ANK1: variants seen among roughly 807,000 people sequenced by gnomAD.
ANK1 encodes the protein ankyrin 1, also known as ankyrin-1.
Under a neutral mutation model 210.4 loss-of-function variants are expected in ANK1, and 51 were observed. The ratio of observed to expected loss-of-function variants is 0.24; its 90% CI spans 0.19 to 0.31. The LOEUF (loss-of-function observed/expected upper bound fraction) is 0.31. ANK1 is among the 10% of genes least tolerant of loss of function. The pLI, the probability that ANK1 is intolerant of heterozygous loss-of-function variation, is 1.00. For synonymous variants in ANK1, 967 were observed against 1,025.9 expected, an observed-to-expected ratio of 0.94 and a Z score of 1.10; for missense variants, 2,051 against 2,504.4, an observed-to-expected ratio of 0.82 and a Z score of 3.86.
At chr8:41,861,026 A>T (rs1240251753) in intron 1 of ANK1, among the ~76,000 whole-genome samples, 1 of 152,224 alleles carries the variant, frequency 6.6e-6, no homozygotes, top group East Asian at 1.9e-4. Flanking sequence ...TCAAAATGCT[A>T]GCAAGGTGCC....
At chr8:41,745,428 G>C (rs1835864832) in intron 2 of ANK1, among the ~76,000 whole-genome samples, 1 of 152,338 alleles carries the variant, frequency 6.6e-6, no homozygotes, top group East Asian at 1.9e-4. Context: ...AGGAAGTGTA[G>C]AAGAACGGGC....
Position 41,697,930 on chromosome 8 carries a change from G to C in ANK1, c.2637+113C>G, listed in dbSNP as rs111858042. ...TGGAATGCCAGTTGGACAGTGAGTG[G>C]CATGTGAGCTATTAGTGCCTATTGT... On this transcript the variant is annotated intron_variant, in intron 24 of 42. Transcript: ENST00000289734. 3.2e-5 allele frequency: 30 copies of C among 951,702 alleles called. No homozygotes were observed. In the African/African-American group the frequency reaches 3.9e-4, roughly 12 times the overall value. 59.0% of individuals were successfully genotyped at this position (951,702 alleles called of 1,614,324 possible). A position where few individuals can be genotyped will look rare whatever the true frequency, so the allele number is the denominator to read the frequency against.
chr8:41,794,854 G>A (rs535032848), intron 1 of ANK1, among the ~76,000 whole-genome samples: 15 of 152,176 alleles, frequency 9.9e-5, no homozygotes, highest in African/African-American at 2.2e-4. Context: ...ACAGGCACAC[G>A]CCACCACGCC....
rs80118742 is a variant in ANK1 at position 41,728,061 on chromosome 8, G to A, written c.229-55C>T. The stretch of plus-strand genomic sequence containing the variant: ...CGGTTTCCCACTGGGCCCGCTACGG[G>A]ACCAGCAAAGGTCTGTGGACAGGTG... On this transcript the variant is annotated intron_variant, in intron 3 of 42. Coordinates refer to ENST00000289734, the MANE Select transcript of ANK1 (RefSeq NM_000037.4). 0.053 allele frequency: 83,662 copies of A among 1,567,302 alleles called. 2,606 individuals are homozygous for A. The highest frequency in any genetic ancestry group is 0.061 in the Admixed American group (3,642 of 59,878).
intron 42 of ANK1, among the ~76,000 whole-genome samples, chr8:41,656,351 C>T (rs1805715554): frequency 6.6e-6 from 1 of 152,206 alleles, no homozygotes; most frequent in African/African-American, 2.4e-5. Flanking sequence ...AGCTCTGGCC[C>T]ACAGCACTTC....
At chr8:41,691,619 C>T (rs112424218) in intron 31 of ANK1, among the ~76,000 whole-genome samples, 12 of 152,170 alleles carry the variant, frequency 7.9e-5, no homozygotes, top group African/African-American at 2.7e-4. Flanking sequence ...CATTATCTGT[C>T]GAGCCCTTTC....
chr8:41,860,177 G>T (rs753272392), intron 1 of ANK1, among the ~76,000 whole-genome samples: 1 of 152,152 alleles, frequency 6.6e-6, no homozygotes, highest in African/African-American at 2.4e-5. Context: ...TAAAAATTCC[G>T]CTAAGTCTCC....
intron 1 of ANK1, among the ~76,000 whole-genome samples, chr8:41,834,627 G>A (rs1057046661): frequency 4.6e-5 from 7 of 152,212 alleles, no homozygotes; most frequent in East Asian, 1.9e-4. Context: ...CTCAGGGTCC[G>A]GAGCTGGCCT....
chr8:41,752,751 C>A (rs1338743911), intron 2 of ANK1, among the ~76,000 whole-genome samples: 1 of 151,666 alleles, frequency 6.6e-6, no homozygotes, highest in Admixed American at 6.6e-5. Context: ...CCATGACCCT[C>A]ATCCAAGATG....
At chr8:41,658,675 T>C (rs1328350564) in intron 42 of ANK1, among the ~76,000 whole-genome samples, 1 of 152,192 alleles carries the variant, frequency 6.6e-6, no homozygotes, top group Non-Finnish European at 1.5e-5. Flanking sequence ...GGCGGGTTGC[T>C]TGAGGTGAGG....
chr8:41,718,111 T>A lies in ANK1; in HGVS notation c.1201A>T (p.Thr401Ser), dbSNP rs1828212964. 1 of 1,613,880 alleles carries A rather than the reference T, an allele frequency of 6.2e-7. No homozygotes were observed. The highest frequency in any genetic ancestry group is 1.3e-5 in the African/African-American group (1 of 75,046). The change falls in exon 11 of 43, where the codon ACC becomes TCC. Residue 401 changes from threonine to serine, a missense_variant. Thr to Ser is a moderately conservative substitution (Grantham distance 58, BLOSUM62 1). Transcript: ENST00000289734. ...LKTGASIDAV[T>S]ESGLTPLHVA... is the part of the protein sequence containing the mutation. ...TCCTCTGCAGTCTCTCCTACCTCGGTGACCGCGTCGATCGAGGCTCCCGTC... is the reference window on the plus strand; with the variant it reads ...TCCTCTGCAGTCTCTCCTACCTCGGAGACCGCGTCGATCGAGGCTCCCGTC...
intron 1 of ANK1, among the ~76,000 whole-genome samples, chr8:41,873,849 G>T (rs1056718412): frequency 4.6e-5 from 7 of 152,200 alleles, no homozygotes; most frequent in Non-Finnish European, 4.4e-5. Context: ...TCACCAGCAT[G>T]ACTGCCTTAT....
intron 18 of ANK1, 125 bp downstream of exon 18, chr8:41,706,018 C>T (rs1824472613): frequency 5.3e-6 from 5 of 937,594 alleles, no homozygotes; most frequent in Admixed American, 3.5e-5. Context: ...CCACTGCCAG[C>T]CCTAGGAAGT....
intron 37 of ANK1, among the ~76,000 whole-genome samples, chr8:41,676,643 C>G (rs1371052192): frequency 6.6e-6 from 1 of 152,142 alleles, no homozygotes; most frequent in Non-Finnish European, 1.5e-5. Flanking sequence ...TCTGAGAAAT[C>G]TTTGCCTTAA....
intron 3 of ANK1, among the ~76,000 whole-genome samples, chr8:41,733,611 C>G (rs958568511): frequency 1.3e-5 from 2 of 152,228 alleles, no homozygotes; most frequent in African/African-American, 4.8e-5. Context: ...AGTAACTCGT[C>G]CCAGGTCACA....
At chr8:41,811,846 A>G (rs535802617) in intron 1 of ANK1, among the ~76,000 whole-genome samples, 1 of 152,316 alleles carries the variant, frequency 6.6e-6, no homozygotes, top group East Asian at 1.9e-4. Context: ...CTCTGACTAT[A>G]CTTTTAGTTT....
At chr8:41,894,677 T>A (rs1430153578) in intron 1 of ANK1, among the ~76,000 whole-genome samples, 1 of 152,116 alleles carries the variant, frequency 6.6e-6, no homozygotes, top group Non-Finnish European at 1.5e-5. Context: ...GAGGAGCGCC[T>A]TGGCTTCCAA....
At chr8:41,664,981 G>A in intron 39 of ANK1, 1 of 1,614,164 alleles carries the variant, frequency 6.2e-7, no homozygotes, top group Non-Finnish European at 8.5e-7. Context: ...AAGAAGCTCA[G>A]CAGCACCAGC....
At chr8:41,664,683 C>T in intron 39 of ANK1, 1 of 1,014,088 alleles carries the variant, frequency 9.9e-7, no homozygotes. Flanking sequence ...TGGGGGCCTC[C>T]TGGTCCTTTT....
Sources: allele counts gnomAD v4.1 joint callset (sites outside exome capture counted in the v4.1 genomes callset), GRCh38; gene constraint gnomAD v4.1.1; transcripts MANE v1.5; gene names NCBI Gene and HGNC (gene_info 2026-07-23, HGNC 2026-07-21).